Variants in MLLT3 observed in about 807,000 individuals in gnomAD.
MLLT3 encodes protein AF-9.
Under a neutral mutation model 53.2 loss-of-function variants are expected in MLLT3, and 4 were observed. The observed-to-expected ratio is 0.08, with a 90% CI of 0.04 to 0.17. The LOEUF is 0.17. Among genes scored for constraint, MLLT3 ranks in the 10% least tolerant of loss-of-function variants. The probability of loss-of-function intolerance (pLI) is 1.00; values close to 1 mark genes in which losing one functional copy is unlikely to be tolerated. For missense variants in MLLT3, 569 were observed against 684.0 expected, an observed-to-expected ratio of 0.83 and a Z score of 1.87; for synonymous variants, 283 against 230.6, an observed-to-expected ratio of 1.23 and a Z score of -2.06.
At chr9:20,503,391 C>T (rs2118946241) in intron 2 of MLLT3, among the ~76,000 whole-genome samples, 1 of 152,256 alleles carries the variant, frequency 6.6e-6, no homozygotes, top group African/African-American at 2.4e-5. Context: ...AATAAATCTA[C>T]ACATATACAG....
intron 2 of MLLT3, among the ~76,000 whole-genome samples, chr9:20,515,179 C>A (rs1434256507): frequency 2.0e-5 from 3 of 152,032 alleles, no homozygotes; most frequent in East Asian, 3.8e-4. Context: ...AACTCCTGAC[C>A]TCGTGAGCCA....
At chr9:20,383,250 T>TG (rs938281412) in intron 5 of MLLT3, among the ~76,000 whole-genome samples, 2 of 151,924 alleles carry the variant, frequency 1.3e-5, no homozygotes, top group African/African-American at 4.8e-5. Context: ...AGCTCTATGA[T>TG]GGGGGGTACG....
intron 2 of MLLT3, among the ~76,000 whole-genome samples, chr9:20,471,981 G>A (rs1398339897): frequency 6.6e-6 from 1 of 151,964 alleles, no homozygotes; most frequent in Non-Finnish European, 1.5e-5. Context: ...GCATAATACT[G>A]TTAAACTGTT....
At chr9:20,360,985 T>C in intron 7 of MLLT3, 144 bp from the exon 8 acceptor site, 1 of 686,378 alleles carries the variant, frequency 1.5e-6, no homozygotes, top group East Asian at 2.8e-5. Context: ...CACATATTGG[T>C]GCTTACTTTG....
At chr9:20,365,525 G>C in intron 6 of MLLT3, 144 bp downstream of exon 6, 1 of 915,168 alleles carries the variant, frequency 1.1e-6, no homozygotes, top group Non-Finnish European at 1.7e-6. Flanking sequence ...TTTTAGTAGA[G>C]ACGTTTACTA....
intron 6 of MLLT3, among the ~76,000 whole-genome samples, chr9:20,365,425 C>T (rs1300775435): frequency 1.3e-5 from 2 of 152,148 alleles, no homozygotes; most frequent in African/African-American, 4.8e-5. Flanking sequence ...CTGCAACTTC[C>T]GCCCCAGGTC....
chr9:20,361,402 G>A (rs921671009), intron 7 of MLLT3, among the ~76,000 whole-genome samples: 3 of 152,136 alleles, frequency 2.0e-5, no homozygotes, highest in Admixed American at 1.3e-4. Context: ...ACTTCATAAA[G>A]AATGTAGAAA....
chr9:20,505,114 G>C (rs970097352), intron 2 of MLLT3, among the ~76,000 whole-genome samples: 8 of 152,258 alleles, frequency 5.3e-5, no homozygotes, highest in African/African-American at 1.9e-4. Flanking sequence ...TTGCTGGTGG[G>C]GTGTTGGTGG....
intron 4 of MLLT3, among the ~76,000 whole-genome samples, chr9:20,439,182 C>T (rs1194822154): frequency 1.3e-5 from 2 of 151,906 alleles, no homozygotes; most frequent in South Asian, 2.1e-4. Context: ...GGTGAAACCC[C>T]GACTCTACCA....
At chr9:20,606,441 C>T (rs918814346) in intron 2 of MLLT3, among the ~76,000 whole-genome samples, 3 of 152,074 alleles carry the variant, frequency 2.0e-5, no homozygotes, top group Admixed American at 1.3e-4. Context: ...ACTTTTAAAA[C>T]AGCTACATAA....
chr9:20,589,914 T>C (rs907992446), intron 2 of MLLT3, among the ~76,000 whole-genome samples: 2 of 152,104 alleles, frequency 1.3e-5, no homozygotes, highest in African/African-American at 4.8e-5. Context: ...TTTCACCATC[T>C]TGGCCAGGCT....
chr9:20,457,375 A>G (rs1823997361), intron 2 of MLLT3, among the ~76,000 whole-genome samples: 1 of 149,838 alleles, frequency 6.7e-6, no homozygotes, highest in South Asian at 2.1e-4. Flanking sequence ...CAGCCTCCCG[A>G]GTTAGCTGGG....
chr9:20,383,353 A>G (rs897146926), intron 5 of MLLT3, among the ~76,000 whole-genome samples: 2 of 151,926 alleles, frequency 1.3e-5, no homozygotes, highest in African/African-American at 4.8e-5. Flanking sequence ...ATTTTGAAAA[A>G]TCTAGATTAG....
chr9:20,361,985 G>A (rs988211868), intron 7 of MLLT3, among the ~76,000 whole-genome samples: 3 of 152,166 alleles, frequency 2.0e-5, no homozygotes, highest in Non-Finnish European at 4.4e-5. Context: ...AAAACTGATA[G>A]AACTTGTTTT....
intron 2 of MLLT3, among the ~76,000 whole-genome samples, chr9:20,595,820 C>G (rs1820247189): frequency 6.6e-6 from 1 of 152,184 alleles, no homozygotes; most frequent in Admixed American, 6.5e-5. Context: ...CACAAAAGCA[C>G]ATATACTATC....
At chr9:20,518,684 CCT>C (rs960755588) in intron 2 of MLLT3, among the ~76,000 whole-genome samples, 8 of 152,114 alleles carry the variant, frequency 5.3e-5, no homozygotes, top group African/African-American at 1.9e-4. Context: ...ACCATGTACC[CCT>C]GAGGTGATGG....
intron 2 of MLLT3, among the ~76,000 whole-genome samples, chr9:20,545,743 G>C (rs915369117): frequency 4.6e-5 from 7 of 151,284 alleles, no homozygotes; most frequent in Non-Finnish European, 7.4e-5. Context: ...AGGGGACCAG[G>C]TCCAGTGGCT....
intron 2 of MLLT3, among the ~76,000 whole-genome samples, chr9:20,474,819 A>G (rs1197396967): frequency 2.6e-5 from 4 of 152,134 alleles, no homozygotes; most frequent in Non-Finnish European, 5.9e-5. Context: ...TTTGCAAAAA[A>G]TATGTTTTAA....
Position 20,432,643 on chromosome 9 carries a change from G to GA in MLLT3, c.420+15479dup, listed in dbSNP as rs200357415. 6.1e-5 allele frequency among the ~76,000 whole-genome samples: 9 copies of GA among 147,254 alleles called. No individual in the cohort carries two copies. The South Asian group carries it at 6.3e-4, about 10-fold the overall frequency. ...ATAGAAAAAGAAGTCACCAAGGCTG[G>GA]AAAAAAAATCGCTTTTTTTTTCAGT... On this transcript the variant is annotated intron_variant, in intron 4 of 10. Coordinates refer to ENST00000380338, the MANE Select transcript of MLLT3 (RefSeq NM_004529.4).
Sources: allele counts gnomAD v4.1 joint callset (sites outside exome capture counted in the v4.1 genomes callset), GRCh38; gene constraint gnomAD v4.1.1; transcripts MANE v1.5; gene names NCBI Gene and HGNC (gene_info 2026-07-23, HGNC 2026-07-21).